Variants in USP30 observed in about 807,000 individuals in gnomAD.
USP30 encodes ubiquitin specific peptidase 30.
In USP30, 41 loss-of-function variants were observed where a neutral mutation model predicts 68.2. The ratio of observed to expected loss-of-function variants is 0.60; its 90% confidence interval spans 0.47 to 0.78. The LOEUF is 0.78. Ranked by LOEUF, USP30 falls within the 30% of genes least tolerant of loss-of-function variation. The pLI is 0.00. For missense variants in USP30, 522 were observed against 649.4 expected, an observed-to-expected ratio of 0.80 and a Z score of 2.13; for synonymous variants, 229 against 253.7, an observed-to-expected ratio of 0.90 and a Z score of 0.93.
At chr12:109,035,214 G>A (rs1037871731) in intron 3 of USP30, among the ~76,000 whole-genome samples, 5 of 151,504 alleles carry the variant, frequency 3.3e-5, no homozygotes, top group Admixed American at 2.6e-4. Context: ...CTCCATTACT[G>A]TCTTCTTTTG....
At chr12:109,043,649 T>C (rs1381591205) in intron 3 of USP30, among the ~76,000 whole-genome samples, 2 of 152,170 alleles carry the variant, frequency 1.3e-5, no homozygotes, top group African/African-American at 2.4e-5. Flanking sequence ...GGCAAAACCT[T>C]TGTGACATTG....
At chr12:109,053,881 T>G (rs2135699624) in intron 1 of USP30, 1 of 378,290 alleles carries the variant, frequency 2.6e-6, no homozygotes, top group East Asian at 7.6e-5. Flanking sequence ...AGTTTCCATC[T>G]TGAACTTCGT....
At chr12:109,067,468 C>T in intron 3 of USP30, 56 bp from the exon 4 acceptor site, 3 of 1,488,606 alleles carry the variant, frequency 2.0e-6, no homozygotes, top group Non-Finnish European at 2.8e-6. Context: ...TGCAAGTTTT[C>T]TGGTTAGTTG....
chr12:109,066,545 A>G (rs1202310067), intron 3 of USP30, among the ~76,000 whole-genome samples: 1 of 152,064 alleles, frequency 6.6e-6, no homozygotes, highest in Non-Finnish European at 1.5e-5. Flanking sequence ...TTAGTCGGGC[A>G]TGGTAGCGCA....
chr12:109,078,423 CAA>C (rs35164265), intron 7 of USP30, among the ~76,000 whole-genome samples: 14 of 121,900 alleles, frequency 1.1e-4, no homozygotes, highest in African/African-American at 1.2e-4. Flanking sequence ...GACTGAGTCT[CAA>C]AAAAAAAAAA....
intron 3 of USP30, among the ~76,000 whole-genome samples, chr12:109,061,448 G>A (rs1033488543): frequency 3.4e-5 from 5 of 146,936 alleles, no homozygotes; most frequent in Non-Finnish European, 4.5e-5. Context: ...TCTGTCTGTC[G>A]CCCAGGCTGG....
intron 3 of USP30, among the ~76,000 whole-genome samples, chr12:109,041,782 C>T (rs1042839445): frequency 1.3e-5 from 2 of 151,816 alleles, no homozygotes; most frequent in South Asian, 4.2e-4. Context: ...TTTGGAAGGT[C>T]GAACTGTGAG....
chr12:109,073,504 A>G lies in USP30; in HGVS notation c.692A>G (p.Asn231Ser). 6.2e-7 allele frequency: 1 copy of G among 1,613,840 alleles called. No individual in the cohort carries two copies. The highest frequency in any genetic ancestry group is 8.5e-7 in the Non-Finnish European group (1 of 1,179,680). The change falls in exon 7 of 13, where the codon AAT (asparagine) becomes AGT (serine). Residue 231 changes from asparagine to serine, a missense_variant. Coordinates refer to ENST00000257548, the MANE Select transcript of USP30 (RefSeq NM_032663.5). The part of the protein sequence containing the change: ...QHPFHGRLTS[N>S]MVCKHCEHQS... ...CCTTTTCATGGAAGACTCACTAGTA[A>G]TATGGTCTGCAAACACTGTGAACAC...
At position 109,081,316 on chromosome 12, in the gene USP30, C is replaced by T; in HGVS notation, c.721-18C>T. ...TAAGCCTAAATCGTTTCTGGATTTT[C>T]TGCAATATTTCTTTCAGAGTCCTGT... On this transcript the variant is annotated intron_variant, in intron 7 of 12. Transcript: ENST00000257548. 3 of 1,613,258 alleles carry T rather than the reference C, an allele frequency of 1.9e-6. No homozygotes were observed. The highest frequency in any genetic ancestry group is 2.5e-6 in the Non-Finnish European group (3 of 1,179,770).
intron 3 of USP30, among the ~76,000 whole-genome samples, chr12:109,039,300 C>A (rs563627393): frequency 2.0e-5 from 3 of 152,064 alleles, no homozygotes; most frequent in South Asian, 2.1e-4. Flanking sequence ...CAATAGTGTA[C>A]CTTCTATATT....
At chr12:109,076,142 A>T (rs1224178793) in intron 7 of USP30, among the ~76,000 whole-genome samples, 8 of 152,110 alleles carry the variant, frequency 5.3e-5, no homozygotes, top group Admixed American at 5.2e-4. Context: ...TTGACTATTC[A>T]TCTCTTTTTT....
Position 109,058,045 on chromosome 12 carries a change from A to G in USP30, c.313A>G (p.Arg105Gly), listed in dbSNP as rs773464619. The G allele has an allele frequency of 5.8e-5, 93 of 1,614,080 alleles. No individual in the cohort carries two copies. Among genetic ancestry groups the G allele is most frequent in the Non-Finnish European group, 7.1e-5 (84 of 1,180,044 alleles). Reference sequence around the variant, plus strand: ...GGAAGAGTTCACCTCCCAGTACTCCAGGGATCAGAAGGAGCCCCCCTCACA... The same window carrying G: ...GGAAGAGTTCACCTCCCAGTACTCCGGGGATCAGAAGGAGCCCCCCTCACA... ...WLEEFTSQYS[R>G]DQKEPPSHQY... The change falls in exon 3 of 13, where the codon AGG becomes GGG. Residue 105 changes from arginine (R) to glycine (G), a missense_variant. Coordinates refer to ENST00000257548, the MANE Select transcript of USP30 (RefSeq NM_032663.5).
chr12:109,043,544 C>T (rs1185477066), intron 3 of USP30, among the ~76,000 whole-genome samples: 1 of 152,098 alleles, frequency 6.6e-6, no homozygotes, highest in East Asian at 1.9e-4. Flanking sequence ...AATGAAGTTG[C>T]CCCTTACCTA....
In USP30 at chr12:109,070,410, A is replaced by G. The variant is rs954289494; in HGVS notation, c.481-1202A>G. On this transcript the variant is annotated intron_variant, in intron 4 of 12. Coordinates refer to ENST00000257548, the MANE Select transcript of USP30 (RefSeq NM_032663.5). The surrounding 1 kb of genome is among the most constrained non-coding windows in gnomAD (Gnocchi z 4.0). ...CTCTTTTGGCAGAGACCTGAAGGAT[A>G]GGAGGTAGCCGTGCGAAGGTCTGAG... 1.3e-5 allele frequency among the ~76,000 whole-genome samples: 2 copies of G among 152,120 alleles called. No homozygotes were observed. Among genetic ancestry groups the G allele is most frequent in the Non-Finnish European group, 2.9e-5 (2 of 68,022 alleles).
intron 3 of USP30, among the ~76,000 whole-genome samples, chr12:109,031,005 A>C (rs2135657504): frequency 6.6e-6 from 1 of 152,308 alleles, no homozygotes; most frequent in South Asian, 2.1e-4. Context: ...GGGGATGCTG[A>C]GCAAAGGGTA....
chr12:109,040,145 A>G (rs1444721778), intron 3 of USP30, among the ~76,000 whole-genome samples: 1 of 152,238 alleles, frequency 6.6e-6, no homozygotes, highest in African/African-American at 2.4e-5. Flanking sequence ...GATGAATAAA[A>G]TAGTGAAGGT....
chr12:109,086,000 C>T lies in USP30; in HGVS notation c.*69C>T, dbSNP rs1406254670. 5 of 1,525,386 alleles carry T rather than the reference C, an allele frequency of 3.3e-6. No individual in the cohort carries two copies. In the Admixed American group the frequency reaches 8.0e-5, roughly 24 times the overall value. 94.5% of individuals were successfully genotyped at this position (1,525,386 alleles called of 1,614,324 possible). A position where few individuals can be genotyped will look rare whatever the true frequency, so the allele number is the denominator to read the frequency against. ...TGTCCAGGAAAAAAGTAAAACTGTACTGTTGCGTGTGCAAGCGGCCCCACT... is the reference window on the plus strand; with the variant it reads ...TGTCCAGGAAAAAAGTAAAACTGTATTGTTGCGTGTGCAAGCGGCCCCACT... On this transcript the variant is annotated 3_prime_UTR_variant, in exon 13 of 13. Transcript: ENST00000257548.
At chr12:109,074,539 G>T (rs2041537834) in intron 7 of USP30, among the ~76,000 whole-genome samples, 1 of 152,180 alleles carries the variant, frequency 6.6e-6, no homozygotes, top group African/African-American at 2.4e-5. Flanking sequence ...CCCACATTTT[G>T]ATGTCAGCCC....
Position 109,083,051 on chromosome 12 carries a change from C to T in USP30, c.1157C>T (p.Ala386Val). 6.2e-7 allele frequency: 1 copy of T among 1,609,268 alleles called. No homozygotes were observed. The highest frequency in any genetic ancestry group is 8.5e-7 in the Non-Finnish European group (1 of 1,177,464). The part of the protein sequence containing the change: ...PTLELQDGPG[A>V]PTPVLNQPGA... ...CTGGAGCTGCAGGATGGGCCGGGAG[C>T]CCCCACACCAGGTGTGTGCGCGCGA... The change falls in exon 11 of 13, where the codon GCC (alanine) becomes GTC (valine). Residue 386 changes from alanine to valine, a missense_variant. Coordinates refer to ENST00000257548, the MANE Select transcript of USP30 (RefSeq NM_032663.5).
Sources: allele counts gnomAD v4.1 joint callset (sites outside exome capture counted in the v4.1 genomes callset), GRCh38; gene constraint gnomAD v4.1.1; non-coding constraint Gnocchi (gnomAD v3.1); transcripts MANE v1.5; gene names NCBI Gene and HGNC (gene_info 2026-07-23, HGNC 2026-07-21).